Variants in CNBD2 observed in about 807,000 individuals in gnomAD.
The protein encoded by CNBD2 is cyclic nucleotide binding domain containing 2.
Under a neutral mutation model 63.7 loss-of-function variants are expected in CNBD2, and 64 were observed. The ratio of observed to expected loss-of-function variants is 1.00; its 90% CI spans 0.82 to 1.24. The LOEUF is 1.24. Ranked by LOEUF, CNBD2 falls within the 50% of genes most tolerant of loss-of-function variation. The pLI, the probability that CNBD2 is intolerant of heterozygous loss-of-function variation, is 0.00. For synonymous variants in CNBD2, 229 were observed against 255.4 expected, an observed-to-expected ratio of 0.90 and a Z score of 0.99; for missense variants, 691 against 713.5, an observed-to-expected ratio of 0.97 and a Z score of 0.36.
intron 4 of CNBD2, among the ~76,000 whole-genome samples, chr20:35,981,072 G>C (rs2056592940): frequency 6.6e-6 from 1 of 152,210 alleles, no homozygotes; most frequent in Non-Finnish European, 1.5e-5. Flanking sequence ...ATTGAGAGTT[G>C]AGAAAGGGTA....
intron 6 of CNBD2, among the ~76,000 whole-genome samples, chr20:35,986,416 G>A (rs1011757310): frequency 3.3e-5 from 5 of 152,070 alleles, no homozygotes; most frequent in African/African-American, 7.2e-5. Flanking sequence ...GATAGGTCAC[G>A]CCATTTCTCT....
intron 11 of CNBD2, among the ~76,000 whole-genome samples, chr20:36,029,852 C>T (rs1050358951): frequency 1.3e-5 from 2 of 152,090 alleles, no homozygotes; most frequent in African/African-American, 4.8e-5. Context: ...CCTTCTTCCA[C>T]CTTCCTCAGC....
chr20:35,995,434 G>A (rs2056812688), intron 8 of CNBD2, among the ~76,000 whole-genome samples: 1 of 151,376 alleles, frequency 6.6e-6, no homozygotes. Context: ...GCTCTCTTCT[G>A]CTTTTTAAAA....
chr20:36,007,336 G>C (rs2056999305), intron 8 of CNBD2, among the ~76,000 whole-genome samples: 1 of 151,896 alleles, frequency 6.6e-6, no homozygotes, highest in South Asian at 2.1e-4. Flanking sequence ...CATTTTAAGA[G>C]ATGAGGTCTT....
chr20:36,012,636 A>G (rs1224549575), intron 10 of CNBD2, among the ~76,000 whole-genome samples: 1 of 151,228 alleles, frequency 6.6e-6, no homozygotes, highest in Non-Finnish European at 1.5e-5. Flanking sequence ...GACCAGCCTG[A>G]CCAACATGGA....
rs1181484063 is a variant in CNBD2, at chr20:35,984,645, G to A, written c.583G>A (p.Ala195Thr). The change falls in exon 6 of 12, where the codon GCT becomes ACT. Residue 195 changes from alanine (A) to threonine (T), a missense_variant. Coordinates refer to ENST00000373973, the MANE Select transcript of CNBD2 (RefSeq NM_001365709.1). ...SCFGEMDVLH[A>T]SVRRSTIVCM... is the part of the protein sequence containing the mutation. ...CCAACAGGAAATGGACGTTCTGCAT[G>A]CTTCAGTGAGGAGGTCCACCATCGT... is the stretch of plus-strand genomic sequence containing the variant. 6.2e-7 allele frequency: 1 copy of A among 1,614,182 alleles called. No individual in the cohort carries two copies. Among genetic ancestry groups the A allele is most frequent in the Admixed American group, 1.7e-5 (1 of 60,028 alleles).
intron 9 of CNBD2, among the ~76,000 whole-genome samples, chr20:36,009,594 G>A (rs1378726443): frequency 2.0e-5 from 3 of 152,110 alleles, no homozygotes; most frequent in African/African-American, 4.8e-5. Context: ...CACTTTGGGC[G>A]GCTGAAGCGG....
At chr20:35,954,535 C>G, upstream of CNBD2, 1 of 1,514,556 alleles carries the variant, frequency 6.6e-7, no homozygotes, top group Non-Finnish European at 8.9e-7. Flanking sequence ...CCGGAAGCCG[C>G]TTGCGGGCTC....
intron 8 of CNBD2, among the ~76,000 whole-genome samples, chr20:35,998,170 T>TAGCTG (rs750377731): frequency 3.4e-4 from 51 of 151,270 alleles, no homozygotes; most frequent in Non-Finnish European, 5.7e-4. Context: ...GCCTCCCGAG[T>TAGCTG]AGCTGGGATT....
chr20:35,961,397 G>A (rs1001208966), intron 2 of CNBD2, among the ~76,000 whole-genome samples: 6 of 152,104 alleles, frequency 3.9e-5, no homozygotes, highest in South Asian at 2.1e-4. Context: ...TGCCAGTGTC[G>A]TCTCCTCTGG....
downstream of CNBD2, among the ~76,000 whole-genome samples, chr20:35,957,036 G>C (rs1018295880): frequency 1.2e-4 from 19 of 152,160 alleles, no homozygotes; most frequent in African/African-American, 4.3e-4. Flanking sequence ...TTGTGAAAGG[G>C]AATGAACTTT....
intron 10 of CNBD2, among the ~76,000 whole-genome samples, chr20:36,022,988 CA>C (rs2057237745): frequency 6.6e-6 from 1 of 151,958 alleles, no homozygotes; most frequent in African/African-American, 2.4e-5. Flanking sequence ...AAAACAAAAA[CA>C]AAAACAAAAC....
intron 8 of CNBD2, among the ~76,000 whole-genome samples, chr20:36,006,478 A>G (rs990094350): frequency 1.3e-5 from 2 of 152,228 alleles, no homozygotes; most frequent in African/African-American, 2.4e-5. Context: ...GTGCAGTGGC[A>G]TGAACATGGC....
At chr20:35,980,401 G>T in intron 3 of CNBD2, 58 bp from the exon 4 acceptor site, 2 of 1,546,028 alleles carry the variant, frequency 1.3e-6, no homozygotes, top group Non-Finnish European at 1.8e-6. Context: ...GGTGTTGCCC[G>T]CTGGCCCATG....
At chr20:36,015,099 T>C (rs779192620) in intron 10 of CNBD2, among the ~76,000 whole-genome samples, 30 of 152,220 alleles carry the variant, frequency 2.0e-4, no homozygotes, top group Non-Finnish European at 3.7e-4. Flanking sequence ...TCAATTTGTA[T>C]TTCCATGATG....
chr20:35,976,635 A>G (rs568848999), intron 3 of CNBD2, among the ~76,000 whole-genome samples: 11 of 152,258 alleles, frequency 7.2e-5, no homozygotes, highest in Middle Eastern at 3.4e-3. Context: ...TTTTATATCC[A>G]TGGGAGCTTT....
chr20:35,980,165 T>C (rs2056576020), intron 3 of CNBD2, among the ~76,000 whole-genome samples: 1 of 152,130 alleles, frequency 6.6e-6, no homozygotes, highest in South Asian at 2.1e-4. Context: ...CCTGGGAAGG[T>C]CAATGAACAA....
upstream of CNBD2, among the ~76,000 whole-genome samples, chr20:35,968,172 G>A (rs1790601467): frequency 1.3e-5 from 2 of 152,186 alleles, no homozygotes; most frequent in South Asian, 2.1e-4. Flanking sequence ...TAAGGGGCAG[G>A]CTAATGCAAA....
chr20:35,977,407 C>T (rs1377374987), intron 3 of CNBD2, among the ~76,000 whole-genome samples: 7 of 152,148 alleles, frequency 4.6e-5, no homozygotes, highest in Admixed American at 1.3e-4. Flanking sequence ...TGCTAGCTCA[C>T]GCTTGTAATC....
Sources: gnomAD v4.1 joint callset for allele counts (sites outside exome capture counted in the v4.1 genomes callset) on GRCh38, gnomAD v4.1.1 for gene constraint, MANE v1.5 for transcripts, NCBI Gene and HGNC (gene_info 2026-07-23, HGNC 2026-07-21) for gene names.